Variants in RAPGEF6 observed in about 807,000 individuals in gnomAD.
RAPGEF6 encodes PDZ domain containing guanine nucleotide exchange factor (GEF) 2.
In RAPGEF6, 56 loss-of-function variants were observed where a neutral mutation model predicts 171.4. That is an observed-to-expected ratio of 0.33 (90% confidence interval 0.26 to 0.41). RAPGEF6 has a LOEUF of 0.41. Among genes scored for constraint, RAPGEF6 ranks in the 10% least tolerant of loss-of-function variants. RAPGEF6 has a pLI of 1.00. For missense variants in RAPGEF6, 1,674 were observed against 1,921.4 expected (o/e 0.87, Z 2.41); for synonymous variants, 692 against 650.1 (o/e 1.06, Z -0.98).
In RAPGEF6 at chr5:131,472,849, G is replaced by A. The variant is rs1486057551; in HGVS notation, c.2082-105C>T. 5.0e-6 allele frequency: 5 copies of A among 999,916 alleles called. No individual in the cohort carries two copies. In the Admixed American group the frequency reaches 1.1e-4, roughly 22 times the overall value. 61.9% of individuals were successfully genotyped at this position (999,916 alleles called of 1,614,324 possible). On this transcript the variant is annotated intron_variant, in intron 16 of 27. Coordinates refer to ENST00000509018, the MANE Select transcript of RAPGEF6 (RefSeq NM_016340.6). Reference sequence around the variant, plus strand: ...GGCATAAAAGAACCAATTCAAAGAGGTGATTTAAACAACTGAAATACTACA... The same window carrying A: ...GGCATAAAAGAACCAATTCAAAGAGATGATTTAAACAACTGAAATACTACA...
intron 15 of RAPGEF6, among the ~76,000 whole-genome samples, chr5:131,482,583 G>A (rs1170276691): frequency 6.6e-6 from 1 of 152,164 alleles, no homozygotes; most frequent in Admixed American, 6.5e-5. Context: ...GATTACAGGG[G>A]TGAGCCACCA....
At chr5:131,521,864 C>T (rs1758504645) in intron 6 of RAPGEF6, among the ~76,000 whole-genome samples, 1 of 135,864 alleles carries the variant, frequency 7.4e-6, no homozygotes, top group Admixed American at 7.6e-5. Context: ...CACACACACA[C>T]ACACACACAC....
intron 1 of RAPGEF6, among the ~76,000 whole-genome samples, chr5:131,607,350 C>T (rs1049456016): frequency 6.6e-6 from 1 of 152,170 alleles, no homozygotes; most frequent in Admixed American, 6.5e-5. Context: ...GTGCAGACTA[C>T]CACAGAATGA....
chr5:131,470,519 G>A lies in RAPGEF6; in HGVS notation c.2239+2068C>T, dbSNP rs941567922. The stretch of plus-strand genomic sequence containing the variant: ...AGCCCCACATCCTACATATACCTAT[G>A]GCAAACATACAGCCATATAAATTAT... On this transcript the variant is annotated intron_variant, in intron 17 of 27. Transcript: ENST00000509018. Among the ~76,000 whole-genome samples the A allele has an allele frequency of 3.3e-5, 5 of 152,062 alleles. No homozygotes were observed. In the South Asian group the frequency reaches 8.3e-4, roughly 25 times the overall value.
chr5:131,572,187 G>A (rs941956853), intron 4 of RAPGEF6, among the ~76,000 whole-genome samples: 3 of 152,040 alleles, frequency 2.0e-5, no homozygotes, highest in East Asian at 1.9e-4. Flanking sequence ...ACCCAGGACA[G>A]GGGAACTCCT....
chr5:131,469,937 T>C (rs980489394), intron 17 of RAPGEF6: 3 of 690,840 alleles, frequency 4.3e-6, no homozygotes, highest in South Asian at 2.3e-5. Flanking sequence ...AGGATAAATA[T>C]AGGTAAGCTC....
At chr5:131,577,358 T>G (rs1762667046) in intron 4 of RAPGEF6, among the ~76,000 whole-genome samples, 1 of 152,188 alleles carries the variant, frequency 6.6e-6, no homozygotes, top group South Asian at 2.1e-4. Flanking sequence ...AAGACTGGAC[T>G]GTACTTTTAC....
intron 4 of RAPGEF6, among the ~76,000 whole-genome samples, chr5:131,589,324 T>C (rs1033798407): frequency 6.6e-6 from 1 of 152,202 alleles, no homozygotes; most frequent in Non-Finnish European, 1.5e-5. Context: ...ATATATAGTA[T>C]AAGATATTGA....
intron 6 of RAPGEF6, among the ~76,000 whole-genome samples, chr5:131,537,456 C>A (rs1162967170): frequency 6.6e-6 from 1 of 152,130 alleles, no homozygotes; most frequent in Non-Finnish European, 1.5e-5. Flanking sequence ...ACCTTTAACC[C>A]AGTAATTTCT....
intron 16 of RAPGEF6, among the ~76,000 whole-genome samples, chr5:131,477,773 C>T (rs2149854255): frequency 6.6e-6 from 1 of 152,202 alleles, no homozygotes; most frequent in East Asian, 1.9e-4. Context: ...AAATGAGACG[C>T]AGTTAATGGA....
chr5:131,572,923 T>C (rs1419106495), intron 4 of RAPGEF6, among the ~76,000 whole-genome samples: 1 of 152,194 alleles, frequency 6.6e-6, no homozygotes, highest in Non-Finnish European at 1.5e-5. Flanking sequence ...TTACAAAACC[T>C]AGATAATTTT....
At chr5:131,510,956 A>G (rs1479000936) in intron 7 of RAPGEF6, among the ~76,000 whole-genome samples, 2 of 152,206 alleles carry the variant, frequency 1.3e-5, no homozygotes, top group African/African-American at 4.8e-5. Context: ...AATCATATAA[A>G]TTAAGAACAG....
In RAPGEF6 at chr5:131,462,045, C is replaced by G; in HGVS notation, c.2524G>C (p.Asp842His). Residue 842 changes from aspartate (D) to histidine (H), a missense_variant, in exon 19 of 28, where the codon GAT becomes CAT. By Grantham distance (81) the Asp-to-His change is moderately conservative (BLOSUM62 -1). Coordinates refer to ENST00000509018, the MANE Select transcript of RAPGEF6 (RefSeq NM_016340.6). ...TTAACTAGTTCTTGAGCATCTTCATCTGAACATAAGGTTTCTGTTTCCATG... is the reference window on the plus strand; with the variant it reads ...TTAACTAGTTCTTGAGCATCTTCATGTGAACATAAGGTTTCTGTTTCCATG... ...NNMETETLCS[D>H]EDAQELVKES... 1 of 1,610,394 alleles carries G rather than the reference C, an allele frequency of 6.2e-7. No individual in the cohort carries two copies. The highest frequency in any genetic ancestry group is 8.5e-7 in the Non-Finnish European group (1 of 1,178,484).
intron 4 of RAPGEF6, among the ~76,000 whole-genome samples, chr5:131,588,952 C>G (rs1207048356): frequency 6.6e-6 from 1 of 151,974 alleles, no homozygotes; most frequent in African/African-American, 2.4e-5. Context: ...TGCCTGTAAT[C>G]CCAGCTACTT....
At chr5:131,564,723 G>A (rs1761818530) in intron 4 of RAPGEF6, among the ~76,000 whole-genome samples, 1 of 152,114 alleles carries the variant, frequency 6.6e-6, no homozygotes. Context: ...GAAATCAACA[G>A]ACAACAATAT....
At chr5:131,606,534 G>T (rs529170590) in intron 1 of RAPGEF6, among the ~76,000 whole-genome samples, 2 of 152,138 alleles carry the variant, frequency 1.3e-5, no homozygotes, top group African/African-American at 2.4e-5. Flanking sequence ...TAAAAGAAAG[G>T]TCTACCAAAT....
At chr5:131,509,913 T>C (rs1414646641) in intron 8 of RAPGEF6, among the ~76,000 whole-genome samples, 2 of 152,230 alleles carry the variant, frequency 1.3e-5, no homozygotes, top group East Asian at 3.8e-4. Flanking sequence ...ACTGTGGCAT[T>C]TGCCTTATTC....
At chr5:131,537,884 C>T (rs1282644159) in intron 6 of RAPGEF6, among the ~76,000 whole-genome samples, 1 of 151,636 alleles carries the variant, frequency 6.6e-6, no homozygotes, top group South Asian at 2.1e-4. Context: ...CTGGAGCCCA[C>T]GAGTTCAAGA....
chr5:131,469,269 A>G (rs1225380922), intron 17 of RAPGEF6, among the ~76,000 whole-genome samples: 2 of 152,184 alleles, frequency 1.3e-5, no homozygotes, highest in African/African-American at 4.8e-5. Context: ...AATAATAACT[A>G]AATTCTGAGG....
Sources: gnomAD v4.1 joint callset for allele counts (sites outside exome capture counted in the v4.1 genomes callset) on GRCh38, gnomAD v4.1.1 for gene constraint, MANE v1.5 for transcripts, NCBI Gene and HGNC (gene_info 2026-07-23, HGNC 2026-07-21) for gene names.